The following MYBL2 variants were observed in gnomAD, a reference collection of about 807,000 sequenced individuals.
MYBL2 encodes the protein myb-related protein B.
A neutral mutation model predicts 79.9 loss-of-function variants in MYBL2; 28 were observed. The observed-to-expected ratio is 0.35, with a 90% CI of 0.26 to 0.48. The LOEUF is 0.48. Among genes scored for constraint, MYBL2 ranks in the 20% least tolerant of loss-of-function variants. The probability of loss-of-function intolerance (pLI) is 0.99; values close to 1 mark genes in which losing one functional copy is unlikely to be tolerated. For missense variants in MYBL2, 735 were observed against 893.9 expected, an observed-to-expected ratio of 0.82 and a Z score of 2.27; for synonymous variants, 378 against 361.2, an observed-to-expected ratio of 1.05 and a Z score of -0.53.
At chr20:43,703,144 G>T (rs1352800549) in intron 8 of MYBL2, among the ~76,000 whole-genome samples, 2 of 152,210 alleles carry the variant, frequency 1.3e-5, no homozygotes, top group East Asian at 1.9e-4. Context: ...AGGAGGAGAA[G>T]GAGGATGCTG....
rs907012048 is a variant in MYBL2 at position 43,668,016 on chromosome 20, A to G, written c.20+713A>G. ...CGGTCTCCATTTTACTTATTTCCCC[A>G]GAGACTTAAGTGGCAGAGCTGAGCC... On this transcript the variant is annotated intron_variant, in intron 1 of 13. Transcript: ENST00000217026. Among the ~76,000 whole-genome samples the G allele has an allele frequency of 1.2e-4, 18 of 151,824 alleles. No individual in the cohort carries two copies. In the East Asian group the frequency reaches 3.5e-3, roughly 29 times the overall value.
chr20:43,674,234 C>CTTTT lies in MYBL2; in HGVS notation c.114+351_114+354dup, dbSNP rs1555809925. On this transcript the variant is annotated intron_variant, in intron 2 of 13. Transcript: ENST00000217026. ...GGCCAAATCTGTAACTCCCCCCACCCTTTTTTTTTTTTTTTTTTTGAGACA... is the reference window on the plus strand; with the variant it reads ...GGCCAAATCTGTAACTCCCCCCACCCTTTTTTTTTTTTTTTTTTTTTTTGAGACA... 6.9e-5 allele frequency among the ~76,000 whole-genome samples: 5 copies of CTTTT among 72,228 alleles called. 1 individual carries two copies. 47.4% of individuals were successfully genotyped at this position (72,228 alleles called of 152,430 possible).
Position 43,699,982 on chromosome 20 carries a change from G to A in MYBL2, c.889G>A (p.Ala297Thr). 6.2e-7 allele frequency: 1 copy of A among 1,614,150 alleles called. No homozygotes were observed. The change falls in exon 7 of 14, where the codon GCT becomes ACT. Residue 297 changes from alanine (A) to threonine (T), a missense_variant. Ala to Thr is a moderately conservative substitution (Grantham distance 58). This residue lies in a region of MYBL2 where 243 missense variants were observed against 327.2 expected (regional missense o/e 0.74). Coordinates refer to ENST00000217026, the MANE Select transcript of MYBL2 (RefSeq NM_002466.4). ...GCCTTACAAGTGGGTGGTGGAGGCA[G>A]CTAACCTCCTCATCCCTGCTGTGGG... ...SLPYKWVVEA[A>T]NLLIPAVGSS... is the part of the protein sequence containing the mutation.
intron 1 of MYBL2, among the ~76,000 whole-genome samples, chr20:43,667,782 C>T (rs900584023): frequency 1.8e-4 from 27 of 152,168 alleles, no homozygotes; most frequent in Admixed American, 1.4e-3. Context: ...TGCTCCTTAA[C>T]ATTCCGGGGA....
At chr20:43,672,813 ATC>A (rs982552892) in intron 1 of MYBL2, among the ~76,000 whole-genome samples, 1 of 152,170 alleles carries the variant, frequency 6.6e-6, no homozygotes, top group African/African-American at 2.4e-5. Context: ...AATAACTAAT[ATC>A]TCTTAAAATC....
chr20:43,697,402 G>A lies in MYBL2; in HGVS notation c.664-2355G>A, dbSNP rs1340858580. 4.6e-5 allele frequency among the ~76,000 whole-genome samples: 7 copies of A among 151,976 alleles called. No homozygotes were observed. In the South Asian group the frequency reaches 6.2e-4, roughly 14 times the overall value. The stretch of plus-strand genomic sequence containing the variant: ...AAGTGGGCGGATCACTTGAGGCTAG[G>A]AGTTTGAGGCCAGCCTGGCCAATAC... On this transcript the variant is annotated intron_variant, in intron 6 of 13. Coordinates refer to ENST00000217026, the MANE Select transcript of MYBL2 (RefSeq NM_002466.4).
chr20:43,680,125 G>T (rs2145712389), intron 2 of MYBL2, among the ~76,000 whole-genome samples: 1 of 152,220 alleles, frequency 6.6e-6, no homozygotes, highest in African/African-American at 2.4e-5. Flanking sequence ...CTACTTCCCG[G>T]GTTCAAGTGA....
intron 1 of MYBL2, among the ~76,000 whole-genome samples, chr20:43,669,401 G>C (rs1256945137): frequency 1.3e-5 from 2 of 152,204 alleles, no homozygotes. Flanking sequence ...GCTCAGTGGA[G>C]GAACCCCTCC....
intron 1 of MYBL2, among the ~76,000 whole-genome samples, chr20:43,670,961 TTTTTTTTC>T (rs1430692299): frequency 0.013 from 48 of 3,744 alleles, no homozygotes; most frequent in African/African-American, 0.02. Context: ...CTATGATTTC[TTTTTTTTC>T]TTTTTTTTTT....
intron 6 of MYBL2, among the ~76,000 whole-genome samples, chr20:43,693,516 C>CT (rs1310388304): frequency 6.6e-6 from 1 of 151,834 alleles, no homozygotes; most frequent in African/African-American, 2.4e-5. Context: ...TTTTTGTATT[C>CT]TTAGAGATGG....
chr20:43,673,700 T>TC, intron 1 of MYBL2, 106 bp from the exon 2 acceptor site: 1 of 1,017,702 alleles, frequency 9.8e-7, no homozygotes, highest in Non-Finnish European at 1.6e-6. Flanking sequence ...AGAGCCTCTC[T>TC]CCCCCAGACC....
chr20:43,704,412 C>T (rs184065333), intron 8 of MYBL2, among the ~76,000 whole-genome samples: 6 of 152,260 alleles, frequency 3.9e-5, no homozygotes, highest in Non-Finnish European at 8.8e-5. Context: ...TTGGGGGAGA[C>T]ACAGGTCAGC....
chr20:43,669,418 A>G (rs1186658508), intron 1 of MYBL2, among the ~76,000 whole-genome samples: 2 of 152,166 alleles, frequency 1.3e-5, no homozygotes, highest in Non-Finnish European at 2.9e-5. Flanking sequence ...CTCCTGTGTG[A>G]AGGATGGCAG....
chr20:43,684,493 C>A (rs912834175), intron 4 of MYBL2, among the ~76,000 whole-genome samples: 1 of 151,238 alleles, frequency 6.6e-6, no homozygotes, highest in Non-Finnish European at 1.5e-5. Context: ...CCTCAGCCTC[C>A]CAAAGTGCTG....
chr20:43,680,486 TTTTC>T (rs1272569154), intron 2 of MYBL2, among the ~76,000 whole-genome samples: 1 of 152,114 alleles, frequency 6.6e-6, no homozygotes, highest in African/African-American at 2.4e-5. Flanking sequence ...ATGCATGACA[TTTTC>T]TTTCTTTTTT....
At chr20:43,680,930 C>T (rs1218962595) in intron 2 of MYBL2, among the ~76,000 whole-genome samples, 1 of 152,164 alleles carries the variant, frequency 6.6e-6, no homozygotes, top group Non-Finnish European at 1.5e-5. Flanking sequence ...CCAAGACATT[C>T]CTTGCCCCCC....
intron 5 of MYBL2, among the ~76,000 whole-genome samples, chr20:43,690,836 A>C (rs371207753): frequency 2.0e-5 from 3 of 152,282 alleles, no homozygotes; most frequent in African/African-American, 7.2e-5. Context: ...CACCTGCCTC[A>C]GCCTCCCAAA....
chr20:43,692,373 C>T (rs1987433914), intron 6 of MYBL2, 54 bp downstream of exon 6: 2 of 1,601,522 alleles, frequency 1.2e-6, no homozygotes, highest in East Asian at 2.2e-5. Flanking sequence ...CATCTGACAC[C>T]ATCTCATTGA....
chr20:43,689,691 C>G (rs1179858235), intron 5 of MYBL2, among the ~76,000 whole-genome samples: 1 of 152,180 alleles, frequency 6.6e-6, no homozygotes, highest in African/African-American at 2.4e-5. Flanking sequence ...GTAGTGTGTA[C>G]CCCAGTTGTA....
Sources: gnomAD v4.1 joint callset for allele counts (sites outside exome capture counted in the v4.1 genomes callset) on GRCh38, gnomAD v4.1.1 for gene constraint, gnomAD v4.1.1 regional missense constraint, MANE v1.5 for transcripts, NCBI Gene and HGNC (gene_info 2026-07-23, HGNC 2026-07-21) for gene names.